Variants in BMPER observed in about 807,000 individuals in gnomAD.
BMPER encodes BMP-binding endothelial regulator protein.
A neutral mutation model predicts 87.3 loss-of-function variants in BMPER; 45 were observed. The ratio of observed to expected loss-of-function variants is 0.52; its 90% CI spans 0.41 to 0.66. The LOEUF (loss-of-function observed/expected upper bound fraction) is 0.66. BMPER is among the 30% of genes least tolerant of loss of function. The pLI is 0.00. For missense variants in BMPER, 784 were observed against 867.5 expected (o/e 0.90, Z 1.21); for synonymous variants, 326 against 316.2 (o/e 1.03, Z -0.33).
chr7:33,946,473 A>C (rs1418642365), intron 3 of BMPER, among the ~76,000 whole-genome samples: 1 of 152,222 alleles, frequency 6.6e-6, no homozygotes, highest in African/African-American at 2.4e-5. Context: ...TGCTCTGCAC[A>C]AGGCTCCCGG....
chr7:33,952,865 G>A (rs904103925), intron 3 of BMPER, among the ~76,000 whole-genome samples: 1 of 152,220 alleles, frequency 6.6e-6, no homozygotes, highest in Non-Finnish European at 1.5e-5. Flanking sequence ...CTGCTAGAGA[G>A]ATTGATGTTT....
intron 2 of BMPER, among the ~76,000 whole-genome samples, chr7:33,935,938 G>A (rs1278141032): frequency 6.6e-6 from 1 of 152,136 alleles, no homozygotes. Flanking sequence ...CGAGGGCAGG[G>A]AAATAACAGG....
At chr7:34,129,306 T>G (rs1419449896) in intron 13 of BMPER, among the ~76,000 whole-genome samples, 3 of 151,838 alleles carry the variant, frequency 2.0e-5, no homozygotes, top group Non-Finnish European at 2.9e-5. Context: ...TTTGAGACCA[T>G]CCTGGCCAAT....
chr7:33,918,365 C>T (rs1784136237), intron 2 of BMPER, among the ~76,000 whole-genome samples: 1 of 152,180 alleles, frequency 6.6e-6, no homozygotes, highest in Non-Finnish European at 1.5e-5. Context: ...TAAAATTGCT[C>T]CCCCTTTGCT....
intron 11 of BMPER, among the ~76,000 whole-genome samples, chr7:34,072,354 A>G (rs1294747833): frequency 6.6e-6 from 1 of 152,124 alleles, no homozygotes; most frequent in African/African-American, 2.4e-5. Flanking sequence ...GGAGGTCAGA[A>G]GTCTGAAAAG....
intron 13 of BMPER, among the ~76,000 whole-genome samples, chr7:34,094,871 T>C (rs1789488766): frequency 6.6e-6 from 1 of 152,220 alleles, no homozygotes. Flanking sequence ...AGAAGCCTGT[T>C]CTGTGTGGTG....
chr7:34,050,297 T>C (rs1019753937), intron 7 of BMPER, among the ~76,000 whole-genome samples: 32 of 152,130 alleles, frequency 2.1e-4, no homozygotes, highest in African/African-American at 7.5e-4. Context: ...ATGATGCCAT[T>C]TTATGAGTGA....
At chr7:33,965,220 CA>C (rs1317485677) in intron 3 of BMPER, among the ~76,000 whole-genome samples, 1 of 152,160 alleles carries the variant, frequency 6.6e-6, no homozygotes, top group African/African-American at 2.4e-5. Context: ...TGTTTCCAAT[CA>C]ACTGTGTACT....
chr7:34,080,014 T>C (rs1291248941), intron 12 of BMPER, among the ~76,000 whole-genome samples: 1 of 152,220 alleles, frequency 6.6e-6, no homozygotes, highest in Non-Finnish European at 1.5e-5. Context: ...TTTCACACTT[T>C]GTGTATCATG....
At chr7:33,975,956 G>C (rs1785676357) in intron 6 of BMPER, among the ~76,000 whole-genome samples, 2 of 151,860 alleles carry the variant, frequency 1.3e-5, no homozygotes, top group Admixed American at 1.3e-4. Context: ...GGAAGGGAGG[G>C]AGGAAGAGAG....
At chr7:33,996,623 T>C (rs1211329155) in intron 6 of BMPER, among the ~76,000 whole-genome samples, 1 of 152,212 alleles carries the variant, frequency 6.6e-6, no homozygotes, top group Non-Finnish European at 1.5e-5. Flanking sequence ...ACCATTCTAG[T>C]AATATTCTAA....
At chr7:33,997,368 G>C (rs1055661737) in intron 6 of BMPER, among the ~76,000 whole-genome samples, 1 of 152,156 alleles carries the variant, frequency 6.6e-6, no homozygotes, top group Admixed American at 6.5e-5. Flanking sequence ...ATCCCCATGT[G>C]TTGAGGGAGG....
chr7:34,116,059 A>G (rs1424636868), intron 13 of BMPER, among the ~76,000 whole-genome samples: 1 of 152,236 alleles, frequency 6.6e-6, no homozygotes, highest in African/African-American at 2.4e-5. Context: ...CTTGATGACC[A>G]ATGATGTCCA....
At chr7:34,129,915 G>C (rs192610733) in intron 13 of BMPER, among the ~76,000 whole-genome samples, 3 of 152,274 alleles carry the variant, frequency 2.0e-5, no homozygotes, top group African/African-American at 7.2e-5. Flanking sequence ...TCCAACTGCT[G>C]ATCTAGAGGT....
At chr7:34,135,158 G>A (rs1462058339) in intron 13 of BMPER, among the ~76,000 whole-genome samples, 1 of 152,088 alleles carries the variant, frequency 6.6e-6, no homozygotes, top group Non-Finnish European at 1.5e-5. Flanking sequence ...TATAAGGTAG[G>A]GACAGTGGGC....
chr7:34,148,323 T>C (rs1359792418), intron 14 of BMPER, among the ~76,000 whole-genome samples: 1 of 152,234 alleles, frequency 6.6e-6, no homozygotes, highest in African/African-American at 2.4e-5. Context: ...CTCTCAGTGT[T>C]GAACTAATGT....
At chr7:33,996,114 C>G (rs1786403686) in intron 6 of BMPER, among the ~76,000 whole-genome samples, 1 of 152,184 alleles carries the variant, frequency 6.6e-6, no homozygotes, top group Admixed American at 6.5e-5. Context: ...GCATAAAGAG[C>G]TTTGTGCAAA....
At chr7:34,057,418 C>T (rs1788314040) in intron 9 of BMPER, among the ~76,000 whole-genome samples, 1 of 152,164 alleles carries the variant, frequency 6.6e-6, no homozygotes, top group African/African-American at 2.4e-5. Context: ...TCCCAAAATG[C>T]TGCCCTGCAT....
At chr7:34,099,715 T>G (rs1480551569) in intron 13 of BMPER, among the ~76,000 whole-genome samples, 1 of 152,244 alleles carries the variant, frequency 6.6e-6, no homozygotes, top group Non-Finnish European at 1.5e-5. Flanking sequence ...GGATTTTTAA[T>G]TCCAATGTCA....
Sources: gnomAD v4.1 joint callset for allele counts (sites outside exome capture counted in the v4.1 genomes callset) on GRCh38, gnomAD v4.1.1 for gene constraint, MANE v1.5 for transcripts, NCBI Gene and HGNC (gene_info 2026-07-23, HGNC 2026-07-21) for gene names.